ACACA: variants seen among roughly 807,000 people sequenced by gnomAD.
ACACA encodes the protein acetyl-CoA carboxylase 1.
In ACACA, 103 loss-of-function variants were observed where a neutral mutation model predicts 296.1. The observed-to-expected ratio is 0.35, with a 90% CI of 0.30 to 0.41. The LOEUF (loss-of-function observed/expected upper bound fraction) is 0.41. Ranked by LOEUF, ACACA falls within the 10% of genes least tolerant of loss-of-function variation. ACACA has a pLI of 1.00. For missense variants in ACACA, 1,554 were observed against 2,989.7 expected (o/e 0.52, Z 11.20); for synonymous variants, 953 against 1,038.6 (o/e 0.92, Z 1.58).
At chr17:37,268,725 CTATCTATCTATCTATCTATATATATA>C (rs2081914490) in intron 10 of ACACA, among the ~76,000 whole-genome samples, 2 of 111,686 alleles carry the variant, frequency 1.8e-5, no homozygotes, top group South Asian at 2.9e-4. Flanking sequence ...ATCTATCTAT[CTATCTATCTATCTATCTATATATATA>C]TATATATATA....
chr17:37,094,118 C>T (rs2072821548), intron 54 of ACACA, among the ~76,000 whole-genome samples: 1 of 152,086 alleles, frequency 6.6e-6, no homozygotes, highest in South Asian at 2.1e-4. Context: ...TTCTTATGAC[C>T]CAATTTAAAC....
intron 1 of ACACA, among the ~76,000 whole-genome samples, chr17:37,369,150 A>AT (rs1487175268): frequency 4.6e-5 from 7 of 152,302 alleles, no homozygotes; most frequent in Non-Finnish European, 8.8e-5. Context: ...ATACGGATGG[A>AT]TTTTACCAAC....
At chr17:37,184,190 G>A (rs1312653032) in intron 39 of ACACA, among the ~76,000 whole-genome samples, 3 of 152,070 alleles carry the variant, frequency 2.0e-5, no homozygotes, top group African/African-American at 4.8e-5. Context: ...ATGGACTTAG[G>A]AAATATACAT....
chr17:37,391,877 A>C, intron 1 of ACACA: 2 of 720,738 alleles, frequency 2.8e-6, no homozygotes, highest in South Asian at 3.4e-5. Context: ...GTGTGGGCTT[A>C]GCAGAGTTAC....
intron 41 of ACACA, among the ~76,000 whole-genome samples, chr17:37,176,159 G>C (rs551915001): frequency 6.6e-5 from 10 of 152,240 alleles, no homozygotes; most frequent in Middle Eastern, 6.8e-3. Context: ...TTCTGCCTTC[G>C]ATCATGGAGA....
chr17:37,124,257 A>G (rs1343287156), intron 48 of ACACA, among the ~76,000 whole-genome samples: 2 of 152,250 alleles, frequency 1.3e-5, no homozygotes, highest in Admixed American at 6.5e-5. Flanking sequence ...TCAGATAGAA[A>G]GAAAGGAGGA....
intron 5 of ACACA, among the ~76,000 whole-genome samples, chr17:37,282,591 A>T (rs1178429477): frequency 6.6e-6 from 1 of 152,218 alleles, no homozygotes; most frequent in African/African-American, 2.4e-5. Flanking sequence ...TAAGTATAAA[A>T]GGATAGCTCT....
intron 41 of ACACA, among the ~76,000 whole-genome samples, chr17:37,174,435 G>A (rs981165617): frequency 2.6e-5 from 4 of 152,002 alleles, no homozygotes; most frequent in Admixed American, 1.3e-4. Flanking sequence ...GACACCTAGC[G>A]CCCATCTGAA....
At chr17:37,257,610 A>T in intron 14 of ACACA, 93 bp downstream of exon 14, 1 of 1,254,042 alleles carries the variant, frequency 8.0e-7, no homozygotes, top group African/African-American at 1.5e-5. Context: ...TATTACTTTG[A>T]CAGCAGATGA....
intron 35 of ACACA, among the ~76,000 whole-genome samples, chr17:37,196,782 A>G (rs2078021005): frequency 6.6e-6 from 1 of 152,206 alleles, no homozygotes; most frequent in African/African-American, 2.4e-5. Context: ...AGCTGCAGAA[A>G]TTCAAGAAGC....
chr17:37,365,705 T>C, intron 1 of ACACA: 1 of 985,430 alleles, frequency 1.0e-6, no homozygotes, highest in Non-Finnish European at 1.2e-6. Context: ...CTTCATACCA[T>C]AAGGTCAGAA....
At chr17:37,338,944 GAA>G (rs1168913728) in intron 2 of ACACA, among the ~76,000 whole-genome samples, 1 of 75,708 alleles carries the variant, frequency 1.3e-5, no homozygotes, top group Admixed American at 1.4e-4. Flanking sequence ...CGTCTCAAAA[GAA>G]AAAAAAAAAG....
intron 14 of ACACA, 146 bp from the exon 15 acceptor site, chr17:37,253,182 G>C (rs1598320911): frequency 8.6e-7 from 1 of 1,166,854 alleles, no homozygotes; most frequent in East Asian, 2.5e-5. Context: ...CACGAAGTCA[G>C]GAGATTGAGA....
At chr17:37,166,775 T>G (rs946169409) in intron 41 of ACACA, among the ~76,000 whole-genome samples, 1 of 152,184 alleles carries the variant, frequency 6.6e-6, no homozygotes, top group Non-Finnish European at 1.5e-5. Context: ...GACAGCACCT[T>G]TCTGGAGGTA....
At position 37,267,765 on chromosome 17, in the gene ACACA, T is replaced by TTC. The variant is rs1555622694; in HGVS notation, c.1119+2985_1119+2986insGA. 1.4e-4 allele frequency among the ~76,000 whole-genome samples: 9 copies of TTC among 66,312 alleles called. No homozygotes were observed. In the East Asian group the frequency reaches 3.7e-3, roughly 27 times the overall value. The allele number at this position is 66,312 out of a possible 152,430, so 43.5% of individuals were successfully genotyped here. Reference sequence around the variant, plus strand: ...CTATATTGACTTCTTCTTCTTCTTCTTTTTTTTTTTTTTAAGACAATGTCT... The same window carrying TTC: ...CTATATTGACTTCTTCTTCTTCTTCTTCTTTTTTTTTTTTTAAGACAATGTCT... On this transcript the variant is annotated intron_variant, in intron 10 of 55. Transcript: ENST00000616317.
At chr17:37,167,119 ATTTTTTTTTTTTT>A (rs11290127) in intron 41 of ACACA, among the ~76,000 whole-genome samples, 1 of 101,350 alleles carries the variant, frequency 9.9e-6, no homozygotes, top group Non-Finnish European at 2.0e-5. Flanking sequence ...TAATTTTTGC[ATTTTTTTTTTTTT>A]TTTTTTTTTG....
Position 37,317,871 on chromosome 17 carries a change from A to AG in ACACA, c.338+12301dup, listed in dbSNP as rs1271933949. Among the ~76,000 whole-genome samples the AG allele has an allele frequency of 2.6e-5, 4 of 152,286 alleles. No homozygotes were observed. The East Asian group carries it at 5.8e-4, about 22-fold the overall frequency. Reference sequence around the variant, plus strand: ...AGCTCCTGTTTTCTGAATGGAAAGAAGGGGAGGATGGGAGATGGAAAGAGG... The same window carrying AG: ...AGCTCCTGTTTTCTGAATGGAAAGAAGGGGGAGGATGGGAGATGGAAAGAGG... On this transcript the variant is annotated intron_variant, in intron 3 of 55. Transcript: ENST00000616317.
At chr17:37,159,192 G>A (rs1417910291) in intron 42 of ACACA, among the ~76,000 whole-genome samples, 1 of 151,478 alleles carries the variant, frequency 6.6e-6, no homozygotes, top group African/African-American at 2.4e-5. Context: ...AAAAAAAAGA[G>A]ATAAAATTAA....
intron 11 of ACACA, among the ~76,000 whole-genome samples, chr17:37,263,032 G>C (rs890138786): frequency 6.6e-6 from 1 of 152,138 alleles, no homozygotes; most frequent in African/African-American, 2.4e-5. Context: ...GCCCGGCCAA[G>C]CCACTGTATT....
Sources: gnomAD v4.1 joint callset for allele counts (sites outside exome capture counted in the v4.1 genomes callset) on GRCh38, gnomAD v4.1.1 for gene constraint, MANE v1.5 for transcripts, NCBI Gene and HGNC (gene_info 2026-07-23, HGNC 2026-07-21) for gene names.